The following PRUNE2 variants were observed in gnomAD, a reference collection of about 807,000 sequenced individuals.
PRUNE2 encodes the protein protein prune homolog 2.
A neutral mutation model predicts 252.0 loss-of-function variants in PRUNE2; 164 were observed. The observed-to-expected ratio is 0.65, with a 90% CI of 0.57 to 0.74. PRUNE2 has a LOEUF of 0.74. PRUNE2 is among the 30% of genes least tolerant of loss of function. The pLI, the probability that PRUNE2 is intolerant of heterozygous loss-of-function variation, is 0.00. For missense variants in PRUNE2, 3,495 were observed against 3,711.0 expected (o/e 0.94, Z 1.51); for synonymous variants, 1,292 against 1,350.2 (o/e 0.96, Z 0.94).
intron 6 of PRUNE2, among the ~76,000 whole-genome samples, chr9:76,758,045 C>T (rs28429497): frequency 0.068 from 10,279 of 152,058 alleles, 1,060 homozygotes; most frequent in African/African-American, 0.22. Flanking sequence ...ATTTTTTCTT[C>T]TGGTTAACCT....
chr9:76,639,760 G>T (rs980496272), intron 12 of PRUNE2, among the ~76,000 whole-genome samples: 5 of 152,160 alleles, frequency 3.3e-5, no homozygotes, highest in African/African-American at 1.2e-4. Flanking sequence ...CTGAGGAGTG[G>T]AAGTGCTACT....
chr9:76,797,250 GA>G (rs564789210), intron 6 of PRUNE2, among the ~76,000 whole-genome samples: 59 of 151,258 alleles, frequency 3.9e-4, no homozygotes, highest in Non-Finnish European at 7.2e-4. Context: ...CTATATAATT[GA>G]AAAAAAATAT....
intron 1 of PRUNE2, among the ~76,000 whole-genome samples, chr9:76,864,317 T>A (rs1214498300): frequency 1.3e-5 from 2 of 151,982 alleles, no homozygotes; most frequent in Non-Finnish European, 2.9e-5. Flanking sequence ...GGAAGGAGGG[T>A]GTAGGCTGAA....
intron 6 of PRUNE2, chr9:76,784,600 G>C (rs1237306550): frequency 6.6e-6 from 1 of 152,158 alleles, no homozygotes. Flanking sequence ...TTAGTTCCCA[G>C]ATCTGTACTG....
intron 1 of PRUNE2, among the ~76,000 whole-genome samples, chr9:76,880,959 ATTTTTTTT>A (rs1212200598): frequency 2.2e-5 from 3 of 137,128 alleles, no homozygotes; most frequent in East Asian, 4.1e-4. Flanking sequence ...ATCCTTGTTA[ATTTTTTTT>A]TTTTTTTTTT....
chr9:76,632,798 C>T (rs1263878450), intron 15 of PRUNE2, among the ~76,000 whole-genome samples: 1 of 152,224 alleles, frequency 6.6e-6, no homozygotes, highest in Non-Finnish European at 1.5e-5. Flanking sequence ...TTGCCTCAAG[C>T]AATCCTCCTG....
intron 2 of PRUNE2, among the ~76,000 whole-genome samples, chr9:76,853,656 G>A (rs2060088136): frequency 6.6e-6 from 1 of 152,174 alleles, no homozygotes; most frequent in South Asian, 2.1e-4. Context: ...ACTCGTCACT[G>A]AAAACTCTAG....
At chr9:76,711,555 C>G (rs150735935) in intron 7 of PRUNE2, among the ~76,000 whole-genome samples, 197 bp from the exon 8 acceptor site, 19 of 152,346 alleles carry the variant, frequency 1.2e-4, no homozygotes, top group African/African-American at 3.1e-4. Context: ...AACTGTCTCT[C>G]TGTTTAATTC....
At chr9:76,817,517 A>G (rs2131848364) in intron 6 of PRUNE2, among the ~76,000 whole-genome samples, 1 of 152,258 alleles carries the variant, frequency 6.6e-6, no homozygotes, top group Non-Finnish European at 1.5e-5. Flanking sequence ...GATGAGTGTC[A>G]CAACCAGACC....
At chr9:76,689,040 C>A (rs955705565) in intron 9 of PRUNE2, among the ~76,000 whole-genome samples, 1 of 152,136 alleles carries the variant, frequency 6.6e-6, no homozygotes, top group African/African-American at 2.4e-5. Context: ...CTTTAAGCAC[C>A]CAGAGCCCCA....
chr9:76,828,481 C>G (rs35441661), intron 4 of PRUNE2, among the ~76,000 whole-genome samples: 7,935 of 152,212 alleles, frequency 0.052, 216 homozygotes, highest in Non-Finnish European at 0.068. Flanking sequence ...GGGAAAGTAA[C>G]ATGCTCACAT....
intron 4 of PRUNE2, among the ~76,000 whole-genome samples, chr9:76,833,242 C>T (rs999542025): frequency 2.6e-5 from 4 of 151,978 alleles, no homozygotes; most frequent in Non-Finnish European, 5.9e-5. Flanking sequence ...TAGGATATTG[C>T]ATAGCCACCA....
intron 6 of PRUNE2, among the ~76,000 whole-genome samples, chr9:76,757,718 T>C (rs1051600918): frequency 1.3e-5 from 2 of 151,376 alleles, no homozygotes; most frequent in African/African-American, 2.5e-5. Flanking sequence ...CTCCAGCATT[T>C]TGGGAAGCAG....
chr9:76,635,254 G>T (rs968383020), intron 15 of PRUNE2, among the ~76,000 whole-genome samples: 1 of 152,160 alleles, frequency 6.6e-6, no homozygotes, highest in East Asian at 1.9e-4. Context: ...TTACAGGTGT[G>T]AGCCACCCCG....
chr9:76,653,440 T>G (rs1848140514), intron 10 of PRUNE2, among the ~76,000 whole-genome samples: 1 of 152,148 alleles, frequency 6.6e-6, no homozygotes, highest in Non-Finnish European at 1.5e-5. Flanking sequence ...TAATACAAAG[T>G]AAATAGTGTT....
At chr9:76,743,004 G>A (rs891544265) in intron 6 of PRUNE2, among the ~76,000 whole-genome samples, 2 of 152,168 alleles carry the variant, frequency 1.3e-5, no homozygotes, top group Non-Finnish European at 2.9e-5. Context: ...CACGAGGTCG[G>A]TTACCTCCAT....
chr9:76,855,082 A>AAAAAAAAAAAAT (rs1490285240), intron 1 of PRUNE2, among the ~76,000 whole-genome samples: 1 of 109,438 alleles, frequency 9.1e-6, no homozygotes, highest in African/African-American at 3.9e-5. Context: ...AAAAAAAAAA[A>AAAAAAAAAAAAT]ATATATATAT....
Position 76,614,441 on chromosome 9 carries a change from T to C in PRUNE2, c.*129A>G, listed in dbSNP as rs1828452565. 1 of 749,530 alleles carries C rather than the reference T, an allele frequency of 1.3e-6. No individual in the cohort carries two copies. 46.4% of individuals were successfully genotyped at this position (749,530 alleles called of 1,614,324 possible). A position where few individuals can be genotyped will look rare whatever the true frequency, so the allele number is the denominator to read the frequency against. On this transcript the variant is annotated 3_prime_UTR_variant, in exon 19 of 19. Transcript: ENST00000376718. ...GTAAACAAACTTTCTATTTTTCCCC[T>C]TAGAAATTTAGAATGGCACCAGGTA...
chr9:76,840,594 A>G (rs1259282745), intron 4 of PRUNE2, among the ~76,000 whole-genome samples: 1 of 152,264 alleles, frequency 6.6e-6, no homozygotes, highest in Non-Finnish European at 1.5e-5. Context: ...ATCTAGTCTC[A>G]TGACATCTGG....
Sources: allele counts gnomAD v4.1 joint callset (sites outside exome capture counted in the v4.1 genomes callset), GRCh38; gene constraint gnomAD v4.1.1; transcripts MANE v1.5; gene names NCBI Gene and HGNC (gene_info 2026-07-23, HGNC 2026-07-21).